Variants in BMPR2 observed in about 807,000 individuals in gnomAD.
The protein encoded by BMPR2 is bone morphogenetic protein receptor type-2.
In BMPR2, 29 loss-of-function variants were observed where a neutral mutation model predicts 100.8. The observed-to-expected ratio is 0.29, with a 90% CI of 0.21 to 0.39. The LOEUF is 0.39. Among genes scored for constraint, BMPR2 ranks in the 10% least tolerant of loss-of-function variants. BMPR2 has a pLI of 1.00. For missense variants in BMPR2, 1,011 were observed against 1,274.5 expected (o/e 0.79, Z 3.15); for synonymous variants, 382 against 442.3 (o/e 0.86, Z 1.71).
chr2:202,388,124 C>T (rs935877804), intron 1 of BMPR2, among the ~76,000 whole-genome samples: 1 of 151,956 alleles, frequency 6.6e-6, no homozygotes. Flanking sequence ...TTGGCTGTCA[C>T]GGTGGCTCAT....
At position 202,495,905 on chromosome 2, in the gene BMPR2, A is replaced by T. The variant is rs771884803; in HGVS notation, c.419-17814A>T. ...AGCCTTCAAAAAACTGTATGAGAAG[A>T]CTCATTATACAGAGTTTTGGAAGTA... On this transcript the variant is annotated intron_variant, in intron 3 of 12. Transcript: ENST00000374580. This position sits in a 1 kb window ranked among gnomAD's most constrained non-coding sequence, Gnocchi z 4.5. Among the ~76,000 whole-genome samples the T allele has an allele frequency of 6.6e-6, 1 of 152,136 alleles. No homozygotes were observed. The highest frequency in any genetic ancestry group is 1.5e-5 in the Non-Finnish European group (1 of 68,030).
intron 1 of BMPR2, among the ~76,000 whole-genome samples, chr2:202,450,762 A>G (rs1220388622): frequency 1.3e-5 from 2 of 151,876 alleles, no homozygotes; most frequent in African/African-American, 4.8e-5. Context: ...TGATTTATAT[A>G]CTTAAATTTA....
chr2:202,376,604 G>A lies in BMPR2; in HGVS notation c.-871G>A, dbSNP rs886055463. 7.0e-6 allele frequency among the ~76,000 whole-genome samples: 1 copy of A among 141,912 alleles called. No homozygotes were observed. The highest frequency in any genetic ancestry group is 1.5e-5 in the Non-Finnish European group (1 of 65,286). 93.1% of individuals were successfully genotyped at this position (141,912 alleles called of 152,430 possible). ...TCGCTCACAGGAGCCATTGACGGGA[G>A]AAGAGGAGGCTTTCTTGGTGGAATT... On this transcript the variant is annotated 5_prime_UTR_variant, in exon 1 of 13. Coordinates refer to ENST00000374580, the MANE Select transcript of BMPR2 (RefSeq NM_001204.7).
intron 3 of BMPR2, among the ~76,000 whole-genome samples, chr2:202,486,873 T>TA (rs1340417167): frequency 6.7e-6 from 1 of 149,580 alleles, no homozygotes; most frequent in African/African-American, 2.5e-5. Context: ...AAGAAATTTT[T>TA]AAAAAAATTA....
intron 1 of BMPR2, among the ~76,000 whole-genome samples, chr2:202,424,773 C>T (rs1691352649): frequency 6.6e-6 from 1 of 152,094 alleles, no homozygotes; most frequent in Admixed American, 6.6e-5. Context: ...GAAATTTAGC[C>T]AATATACTCA....
Position 202,564,181 on chromosome 2 carries a change from A to G in BMPR2, c.*4235A>G, listed in dbSNP as rs1484524271. On this transcript the variant is annotated 3_prime_UTR_variant, in exon 13 of 13. Coordinates refer to ENST00000374580, the MANE Select transcript of BMPR2 (RefSeq NM_001204.7). ...TCATTTAAAATGGAAAAATATTTCAATGAGCTTTTCCTTTTTTCATATTTA... is the reference window on the plus strand; with the variant it reads ...TCATTTAAAATGGAAAAATATTTCAGTGAGCTTTTCCTTTTTTCATATTTA... The G allele has an allele frequency of 6.6e-6, 1 of 152,242 alleles. No homozygotes were observed. Among genetic ancestry groups the G allele is most frequent in the Non-Finnish European group, 1.5e-5 (1 of 68,046 alleles). 9.4% of individuals were successfully genotyped at this position (152,242 alleles called of 1,614,324 possible). A position where few individuals can be genotyped will look rare whatever the true frequency, so the allele number is the denominator to read the frequency against.
chr2:202,533,327 G>A (rs1340363068), intron 9 of BMPR2, among the ~76,000 whole-genome samples: 16 of 151,964 alleles, frequency 1.1e-4, no homozygotes, highest in African/African-American at 2.4e-4. Context: ...CGAGGCTTGC[G>A]GATCACCTGA....
At chr2:202,529,508 A>G (rs1687978986) in intron 7 of BMPR2, among the ~76,000 whole-genome samples, 1 of 152,178 alleles carries the variant, frequency 6.6e-6, no homozygotes, top group African/African-American at 2.4e-5. Context: ...TTAGCTCAAG[A>G]TTGTACGACA....
At chr2:202,501,827 C>T (rs897433618) in intron 3 of BMPR2, among the ~76,000 whole-genome samples, 2 of 152,246 alleles carry the variant, frequency 1.3e-5, no homozygotes, top group African/African-American at 4.8e-5. Flanking sequence ...TGCCACTTTT[C>T]TCCCAGAGGA....
chr2:202,546,998 C>G (rs910685704), intron 10 of BMPR2, among the ~76,000 whole-genome samples: 1 of 151,864 alleles, frequency 6.6e-6, no homozygotes, highest in Non-Finnish European at 1.5e-5. Context: ...AAACTCCTGG[C>G]CTCAAGCAAT....
chr2:202,519,843 A>G (rs1194110577), intron 6 of BMPR2, among the ~76,000 whole-genome samples: 2 of 152,192 alleles, frequency 1.3e-5, no homozygotes, highest in Admixed American at 1.3e-4. Context: ...AATCATTCAT[A>G]ATTTTTAATA....
At chr2:202,535,368 C>G (rs548173172) in intron 9 of BMPR2, among the ~76,000 whole-genome samples, 1 of 146,712 alleles carries the variant, frequency 6.8e-6, no homozygotes, top group Non-Finnish European at 1.5e-5. Context: ...ACTTCTCAGA[C>G]GGGGCGGCCG....
At position 202,532,041 on chromosome 2, in the gene BMPR2, G is replaced by A. The variant is rs1345790769; in HGVS notation, c.1129-544G>A. Among the ~76,000 whole-genome samples, 1 of 138,622 alleles carries A rather than the reference G, an allele frequency of 7.2e-6. No homozygotes were observed. The highest frequency in any genetic ancestry group is 2.7e-5 in the African/African-American group (1 of 37,312). The allele number at this position is 138,622 out of a possible 152,430, so 90.9% of individuals were successfully genotyped here. ...TGCAAGCTCCATCTCCCGGGTTCAC[G>A]CTATTTTCCTGCCTCGGCCTCCTGA... On this transcript the variant is annotated intron_variant, in intron 8 of 12. Coordinates refer to ENST00000374580, the MANE Select transcript of BMPR2 (RefSeq NM_001204.7). The surrounding 1 kb of genome is among the most constrained non-coding windows in gnomAD (Gnocchi z 4.1).
At position 202,391,591 on chromosome 2, in the gene BMPR2, C is replaced by T. The variant is rs374090727; in HGVS notation, c.76+14041C>T. ...ATAGGCATGCACCAACACACCTGAC[C>T]AGTGTACACTCTTTTTTTTTGGAGA... On this transcript the variant is annotated intron_variant, in intron 1 of 12. Coordinates refer to ENST00000374580, the MANE Select transcript of BMPR2 (RefSeq NM_001204.7). Among the ~76,000 whole-genome samples the T allele has an allele frequency of 4.2e-4, 63 of 149,584 alleles. 1 individual carries two copies. Among genetic ancestry groups the T allele is most frequent in the African/African-American group, 1.6e-3 (63 of 40,582 alleles).
At chr2:202,500,016 T>C (rs570749004) in intron 3 of BMPR2, among the ~76,000 whole-genome samples, 1 of 152,284 alleles carries the variant, frequency 6.6e-6, no homozygotes, top group East Asian at 1.9e-4. Context: ...AGGCAATCGC[T>C]AGAAGGTGCA....
At chr2:202,550,408 G>A (rs1574504016) in intron 10 of BMPR2, among the ~76,000 whole-genome samples, 1 of 150,640 alleles carries the variant, frequency 6.6e-6, no homozygotes, top group Admixed American at 6.6e-5. Flanking sequence ...TGTAGAAATG[G>A]AATCTTGCTA....
At chr2:202,444,297 T>C (rs1195462660) in intron 1 of BMPR2, among the ~76,000 whole-genome samples, 1 of 150,586 alleles carries the variant, frequency 6.6e-6, no homozygotes, top group Non-Finnish European at 1.5e-5. Flanking sequence ...GAATTTGAAC[T>C]TAGAAACATA....
At chr2:202,494,823 A>G (rs992894148) in intron 3 of BMPR2, among the ~76,000 whole-genome samples, 1 of 152,220 alleles carries the variant, frequency 6.6e-6, no homozygotes, top group African/African-American at 2.4e-5. Flanking sequence ...TTTTCCTGGC[A>G]GTTTTTCAGG....
In BMPR2 at chr2:202,440,375, C is replaced by T. The variant is rs1216356092; in HGVS notation, c.77-24434C>T. ...GCTCCTCACATCCCAGACGGGGCGG[C>T]GGGGCAGAGGCGCTCCCCACATCTC... is the stretch of plus-strand genomic sequence containing the variant. On this transcript the variant is annotated intron_variant, in intron 1 of 12. Transcript: ENST00000374580. Among the ~76,000 whole-genome samples, 7 of 148,782 alleles carry T rather than the reference C, an allele frequency of 4.7e-5. 1 individual carries two copies. Among genetic ancestry groups the T allele is most frequent in the African/African-American group, 1.3e-4 (5 of 38,774 alleles).
Sources: gnomAD v4.1 joint callset for allele counts (sites outside exome capture counted in the v4.1 genomes callset) on GRCh38, gnomAD v4.1.1 for gene constraint, Gnocchi (gnomAD v3.1) non-coding constraint, MANE v1.5 for transcripts, NCBI Gene and HGNC (gene_info 2026-07-23, HGNC 2026-07-21) for gene names.